The following SLC23A2 variants were observed in gnomAD, a reference collection of about 807,000 sequenced individuals.
SLC23A2 encodes the protein solute carrier family 23 member 2.
SLC23A2 carries 36 observed loss-of-function variants against 73.3 expected under a neutral mutation model. That is an observed-to-expected ratio of 0.49 (90% CI 0.38 to 0.65). The LOEUF (loss-of-function observed/expected upper bound fraction) is 0.65. Ranked by LOEUF, SLC23A2 falls within the 30% of genes least tolerant of loss-of-function variation. SLC23A2 has a pLI of 0.00. For missense variants in SLC23A2, 507 were observed against 841.6 expected (o/e 0.60, Z 4.92); for synonymous variants, 343 against 327.3 (o/e 1.05, Z -0.52).
At chr20:4,906,369 T>C (rs1568618302) in intron 4 of SLC23A2, among the ~76,000 whole-genome samples, 1 of 151,598 alleles carries the variant, frequency 6.6e-6, no homozygotes, top group Non-Finnish European at 1.5e-5. Flanking sequence ...CTCACGTCTG[T>C]AATCCCAGCA....
At chr20:4,913,283 C>T (rs1305071710) in intron 3 of SLC23A2, among the ~76,000 whole-genome samples, 1 of 152,118 alleles carries the variant, frequency 6.6e-6, no homozygotes, top group Non-Finnish European at 1.5e-5. Flanking sequence ...CCCTGAGCTG[C>T]CTCGGTTAAG....
intron 3 of SLC23A2, among the ~76,000 whole-genome samples, chr20:4,931,693 TG>T (rs924951246): frequency 1.3e-5 from 2 of 151,846 alleles, no homozygotes; most frequent in African/African-American, 4.8e-5. Context: ...AGTTCAAGCC[TG>T]GGAAGTCAAG....
At chr20:4,928,645 A>T (rs1160470456) in intron 3 of SLC23A2, among the ~76,000 whole-genome samples, 1 of 152,192 alleles carries the variant, frequency 6.6e-6, no homozygotes. Context: ...GCATAATTTT[A>T]AAAACTATTT....
intron 1 of SLC23A2, among the ~76,000 whole-genome samples, chr20:4,991,000 A>G (rs1470801678): frequency 6.6e-6 from 1 of 150,768 alleles, no homozygotes; most frequent in Non-Finnish European, 1.5e-5. Context: ...AACAACCCAC[A>G]GCATACAAAC....
intron 1 of SLC23A2, among the ~76,000 whole-genome samples, chr20:4,975,838 T>C (rs2087636448): frequency 6.6e-6 from 1 of 151,640 alleles, no homozygotes; most frequent in African/African-American, 2.4e-5. Flanking sequence ...TCTGATTCAT[T>C]TGCAAGAGTT....
chr20:4,990,653 G>A (rs6116606), intron 1 of SLC23A2, among the ~76,000 whole-genome samples: 51,444 of 146,648 alleles, frequency 0.35, 9,645 homozygotes, highest in Admixed American at 0.42. Flanking sequence ...GATTTCAGGC[G>A]TGAGCCACTG....
At chr20:4,916,518 A>G (rs1932326146) in intron 3 of SLC23A2, among the ~76,000 whole-genome samples, 1 of 152,180 alleles carries the variant, frequency 6.6e-6, no homozygotes, top group Admixed American at 6.5e-5. Flanking sequence ...TGTTCACTTT[A>G]ATTTCATGTT....
At chr20:5,002,210 G>A (rs1429642373), upstream of SLC23A2, among the ~76,000 whole-genome samples, 2 of 152,080 alleles carry the variant, frequency 1.3e-5, no homozygotes, top group African/African-American at 4.8e-5. Flanking sequence ...CTTAGAGCTG[G>A]GCAGCCTCAC....
upstream of SLC23A2, among the ~76,000 whole-genome samples, chr20:5,004,530 C>T (rs990374455): frequency 6.6e-6 from 1 of 152,228 alleles, no homozygotes; most frequent in South Asian, 2.1e-4. Flanking sequence ...TTCTGAAAAT[C>T]CTTCAGGGCC....
intron 3 of SLC23A2, among the ~76,000 whole-genome samples, chr20:4,913,295 T>C (rs758926291): frequency 2.6e-4 from 40 of 151,996 alleles, no homozygotes; most frequent in Non-Finnish European, 5.0e-4. Context: ...TCGGTTAAGA[T>C]CCCTGCCCAC....
chr20:5,005,466 G>T (rs969763207), upstream of SLC23A2, among the ~76,000 whole-genome samples: 19 of 151,738 alleles, frequency 1.3e-4, no homozygotes, highest in Non-Finnish European at 2.5e-4. Flanking sequence ...TTCATGACCT[G>T]GTTAATTTGA....
intron 1 of SLC23A2, among the ~76,000 whole-genome samples, chr20:5,000,965 T>A (rs2088110756): frequency 1.3e-5 from 2 of 151,978 alleles, no homozygotes; most frequent in South Asian, 4.2e-4. Flanking sequence ...GGCGAGACGA[T>A]GCCCGTGCGC....
In SLC23A2 at chr20:4,862,546, T is replaced by A. The variant is rs1212191092; in HGVS notation, c.1486+232A>T. 2.6e-5 allele frequency among the ~76,000 whole-genome samples: 4 copies of A among 152,202 alleles called. No individual in the cohort carries two copies. Among genetic ancestry groups the A allele is most frequent in the Non-Finnish European group, 4.4e-5 (3 of 68,032 alleles). ...AAATTGGTCAGAAATACTAAAGAGA[T>A]TAAATTTAATTGAAATGTTCATAGC... On this transcript the variant is annotated intron_variant, in intron 14 of 16. Coordinates refer to ENST00000338244, the MANE Select transcript of SLC23A2 (RefSeq NM_005116.6). The surrounding 1 kb of genome is among the most constrained non-coding windows in gnomAD (Gnocchi z 5.1).
At chr20:5,003,219 T>TA, upstream of SLC23A2, among the ~76,000 whole-genome samples, 1 of 151,734 alleles carries the variant, frequency 6.6e-6, no homozygotes, top group Admixed American at 6.6e-5. Context: ...CCGTCTCTAC[T>TA]AAAAATACAA....
chr20:4,935,249 T>G (rs1399418770), intron 2 of SLC23A2, among the ~76,000 whole-genome samples: 1 of 144,162 alleles, frequency 6.9e-6, no homozygotes, highest in Non-Finnish European at 1.5e-5. Context: ...AAAGGAAAGA[T>G]AATATTAACA....
intron 2 of SLC23A2, among the ~76,000 whole-genome samples, chr20:4,944,362 C>T (rs1453664506): frequency 6.6e-6 from 1 of 152,122 alleles, no homozygotes; most frequent in Non-Finnish European, 1.5e-5. Context: ...CCTCAGCCTC[C>T]CAAGCAGCTG....
intron 9 of SLC23A2, among the ~76,000 whole-genome samples, chr20:4,880,947 G>T (rs1663411507): frequency 6.6e-6 from 1 of 152,228 alleles, no homozygotes; most frequent in South Asian, 2.1e-4. Flanking sequence ...GGACAGTGAG[G>T]AATCAATGGC....
intron 1 of SLC23A2, among the ~76,000 whole-genome samples, chr20:4,980,977 G>A (rs902911817): frequency 6.6e-6 from 1 of 152,072 alleles, no homozygotes; most frequent in African/African-American, 2.4e-5. Context: ...CACTAATTCT[G>A]ACCTTAGTTC....
chr20:4,964,670 A>G (rs2087445553), intron 2 of SLC23A2, among the ~76,000 whole-genome samples: 1 of 152,024 alleles, frequency 6.6e-6, no homozygotes, highest in Non-Finnish European at 1.5e-5. Context: ...CATGCAGAAA[A>G]TGAAGGGACA....
Sources: allele counts gnomAD v4.1 joint callset (sites outside exome capture counted in the v4.1 genomes callset), GRCh38; gene constraint gnomAD v4.1.1; non-coding constraint Gnocchi (gnomAD v3.1); transcripts MANE v1.5; gene names NCBI Gene and HGNC (gene_info 2026-07-23, HGNC 2026-07-21).